Variants in AK2 observed in about 807,000 individuals in gnomAD.
The protein encoded by AK2 is adenylate kinase 2, also known as adenylate kinase 2, mitochondrial.
A neutral mutation model predicts 24.6 loss-of-function variants in AK2; 15 were observed. The observed-to-expected ratio is 0.61, with a 90% CI of 0.41 to 0.94. The LOEUF (loss-of-function observed/expected upper bound fraction) is 0.94. AK2 is among the 40% of genes least tolerant of loss of function. AK2 has a pLI of 0.00. For synonymous variants in AK2, 102 were observed against 114.0 expected (o/e 0.90, Z 0.67); for missense variants, 257 against 304.1 (o/e 0.85, Z 1.15).
chr1:33,009,743 C>T lies in AK2; in HGVS notation c.*3438G>A. On this transcript the variant is annotated 3_prime_UTR_variant, in exon 6 of 6. Transcript: ENST00000672715. ...GCCTTGTCTCTGGGCTCAAGAGAAG[C>T]CTGCATAGGAGCTGAAGGTCAAGAG... The T allele has an allele frequency of 2.2e-6, 1 of 454,212 alleles. No individual in the cohort carries two copies. The allele number at this position is 454,212 out of a possible 1,614,324, so 28.1% of individuals were successfully genotyped here.
chr1:33,012,924 A>T lies in AK2; in HGVS notation c.*257T>A, dbSNP rs193187660. 4 of 1,460,048 alleles carry T rather than the reference A, an allele frequency of 2.7e-6. No homozygotes were observed. The highest frequency in any genetic ancestry group is 2.0e-5 in the Admixed American group (1 of 48,946). 90.4% of individuals were successfully genotyped at this position (1,460,048 alleles called of 1,614,324 possible). On this transcript the variant is annotated 3_prime_UTR_variant, in exon 6 of 6. Coordinates refer to ENST00000672715, the MANE Select transcript of AK2 (RefSeq NM_001625.4). ...AAACAACAACAAAAAAGAAGTAAAC[A>T]GCTGGTAAAGCAACCTAGCCTAAAA... is the stretch of plus-strand genomic sequence containing the variant.
At chr1:33,019,315 G>A (rs1345764786) in intron 4 of AK2, among the ~76,000 whole-genome samples, 1 of 152,118 alleles carries the variant, frequency 6.6e-6, no homozygotes, top group Non-Finnish European at 1.5e-5. Flanking sequence ...ACTGTGCTAT[G>A]CAGGAAGCAG....
chr1:33,035,081 T>C (rs1323511502), intron 1 of AK2, among the ~76,000 whole-genome samples: 1 of 152,124 alleles, frequency 6.6e-6, no homozygotes, highest in African/African-American at 2.4e-5. Context: ...TTATACTTGA[T>C]CACTCACAGC....
intron 4 of AK2, 104 bp downstream of exon 4, chr1:33,021,263 G>A (rs1480639294): frequency 9.9e-7 from 1 of 1,005,462 alleles, no homozygotes; most frequent in African/African-American, 1.6e-5. Context: ...ATCAATCCAT[G>A]TTGAAATGGC....
At chr1:33,020,257 CCT>C (rs752261709) in intron 4 of AK2, 1 of 998,372 alleles carries the variant, frequency 1.0e-6, no homozygotes, top group Non-Finnish European at 1.5e-6. Flanking sequence ...GCAAATTCTT[CCT>C]CCATTTTCTA....
At chr1:33,021,746 C>A in intron 2 of AK2, 43 bp from the exon 3 acceptor site, 1 of 1,480,932 alleles carries the variant, frequency 6.8e-7, no homozygotes, top group South Asian at 1.1e-5. Context: ...AAATCCATTA[C>A]CTAGGTGACT....
Position 33,009,749 on chromosome 1 carries a change from T to C in AK2, c.*3432A>G, listed in dbSNP as rs1023961070. On this transcript the variant is annotated 3_prime_UTR_variant, in exon 6 of 6. Coordinates refer to ENST00000672715, the MANE Select transcript of AK2 (RefSeq NM_001625.4). ...TCTCTGGGCTCAAGAGAAGCCTGCA[T>C]AGGAGCTGAAGGTCAAGAGGTTGCA... is the stretch of plus-strand genomic sequence containing the variant. The C allele has an allele frequency of 4.4e-6, 2 of 454,164 alleles. No homozygotes were observed. The highest frequency in any genetic ancestry group is 4.7e-5 in the Admixed American group (2 of 42,546). The allele number at this position is 454,164 out of a possible 1,614,324, so 28.1% of individuals were successfully genotyped here.
At chr1:33,024,316 G>A (rs574036413) in intron 2 of AK2, 126 bp downstream of exon 2, 2 of 1,323,552 alleles carry the variant, frequency 1.5e-6, no homozygotes, top group Admixed American at 1.8e-5. Context: ...TAGTGCAACT[G>A]AGGAACTGAT....
rs1221974395 is a variant in AK2 at position 33,008,955 on chromosome 1, A to G, written c.*4226T>C. On this transcript the variant is annotated 3_prime_UTR_variant, in exon 6 of 6. Coordinates refer to ENST00000672715, the MANE Select transcript of AK2 (RefSeq NM_001625.4). ...AGGTTGGTTTGACAAACATTTCCCC[A>G]CAATTAGATGCATGATGACCAAGGG... 1 of 453,970 alleles carries G rather than the reference A, an allele frequency of 2.2e-6. No homozygotes were observed. The highest frequency in any genetic ancestry group is 4.4e-6 in the Non-Finnish European group (1 of 226,796). The allele number at this position is 453,970 out of a possible 1,614,324, so 28.1% of individuals were successfully genotyped here.
Position 33,010,726 on chromosome 1 carries a change from C to T in AK2, c.*2455G>A, listed in dbSNP as rs746529754. 11 of 1,613,674 alleles carry T rather than the reference C, an allele frequency of 6.8e-6. No individual in the cohort carries two copies. In the South Asian group the frequency reaches 1.2e-4, roughly 18 times the overall value. On this transcript the variant is annotated 3_prime_UTR_variant, in exon 6 of 6. Coordinates refer to ENST00000672715, the MANE Select transcript of AK2 (RefSeq NM_001625.4). ...TGAGCCCCTCACCAGCCCTCCCTCA[C>T]CATCCTCACCCTGACCACCCTTCCC...
chr1:33,027,311 C>G (rs548836499), intron 1 of AK2, among the ~76,000 whole-genome samples: 1 of 152,250 alleles, frequency 6.6e-6, no homozygotes, highest in African/African-American at 2.4e-5. Context: ...GAAAGGCTGA[C>G]CAAAACACCA....
Position 33,011,397 on chromosome 1 carries a change from G to T in AK2, c.*1784C>A. 1.6e-6 allele frequency: 2 copies of T among 1,287,470 alleles called. No homozygotes were observed. The highest frequency in any genetic ancestry group is 2.5e-5 in the South Asian group (2 of 80,940). 79.8% of individuals were successfully genotyped at this position (1,287,470 alleles called of 1,614,324 possible). A position where few individuals can be genotyped will look rare whatever the true frequency, so the allele number is the denominator to read the frequency against. ...TGAGTTTCCATTAAGAGTGGGTGGA[G>T]TTGGTTTAGAGCCAGGAAAACAAGG... is the stretch of plus-strand genomic sequence containing the variant. On this transcript the variant is annotated 3_prime_UTR_variant, in exon 6 of 6. Coordinates refer to ENST00000672715, the MANE Select transcript of AK2 (RefSeq NM_001625.4).
At chr1:33,021,779 C>A in intron 2 of AK2, 76 bp from the exon 3 acceptor site, 1 of 1,162,812 alleles carries the variant, frequency 8.6e-7, no homozygotes, top group Admixed American at 1.8e-5. Flanking sequence ...ACTCCACAGC[C>A]AAAAGTTTGT....
intron 4 of AK2, among the ~76,000 whole-genome samples, chr1:33,019,187 G>C (rs1259128378): frequency 6.6e-6 from 1 of 151,970 alleles, no homozygotes; most frequent in Non-Finnish European, 1.5e-5. Flanking sequence ...CTTTCTTCTT[G>C]GACTTCCTAC....
chr1:33,011,153 T>A lies in AK2; in HGVS notation c.*2028A>T, dbSNP rs186714469. 7.3e-7 allele frequency: 1 copy of A among 1,369,896 alleles called. No individual in the cohort carries two copies. The highest frequency in any genetic ancestry group is 9.5e-7 in the Non-Finnish European group (1 of 1,055,896). 84.9% of individuals were successfully genotyped at this position (1,369,896 alleles called of 1,614,324 possible). Reference sequence around the variant, plus strand: ...ATGACAAATATTTGGGCAAGGATCATGCACATAAAATTAGCAAACATTCAA... The same window carrying A: ...ATGACAAATATTTGGGCAAGGATCAAGCACATAAAATTAGCAAACATTCAA... On this transcript the variant is annotated 3_prime_UTR_variant, in exon 6 of 6. Transcript: ENST00000672715.
In AK2 at chr1:33,013,048, T is replaced by A. The variant is rs759255603; in HGVS notation, c.*133A>T. On this transcript the variant is annotated 3_prime_UTR_variant, in exon 6 of 6. Transcript: ENST00000672715. The stretch of plus-strand genomic sequence containing the variant: ...GAGTAGCACACACGCCAAAGATACA[T>A]CAAGCAAGTGCTTTTTTAATCAATA... 6.2e-6 allele frequency: 10 copies of A among 1,600,658 alleles called. No homozygotes were observed. In the East Asian group the frequency reaches 2.2e-4, roughly 36 times the overall value.
intron 1 of AK2, 138 bp from the exon 2 acceptor site, chr1:33,024,705 G>A (rs1205564467): frequency 2.0e-6 from 2 of 1,005,296 alleles, no homozygotes; most frequent in Non-Finnish European, 3.1e-6. Flanking sequence ...CTGTAATGGG[G>A]ATAAAAGTAC....
At position 33,021,401 on chromosome 1, in the gene AK2, G is replaced by C; in HGVS notation, c.391C>G (p.Pro131Ala). 2 of 1,613,946 alleles carry C rather than the reference G, an allele frequency of 1.2e-6. No homozygotes were observed. Among genetic ancestry groups the C allele is most frequent in the East Asian group, 2.2e-5 (1 of 44,880 alleles). ...ATTCTTCGGATCAGCAGAGAGTCTGGGATGCTGAATTCAATCACAGAATCA... is the reference window on the plus strand; with the variant it reads ...ATTCTTCGGATCAGCAGAGAGTCTGCGATGCTGAATTCAATCACAGAATCA... ...KLDSVIEFSIPDSLLIRRITG... is the reference protein window; with the variant it reads ...KLDSVIEFSIADSLLIRRITG... Residue 131 changes from proline to alanine, a missense_variant, in exon 4 of 6, where the codon CCA (proline) becomes GCA (alanine). Transcript: ENST00000672715.
chr1:33,036,639 C>T (rs368680874), intron 1 of AK2, 97 bp downstream of exon 1: 2 of 1,203,634 alleles, frequency 1.7e-6, no homozygotes, highest in South Asian at 1.3e-5. Flanking sequence ...CCTTAGTCCC[C>T]GGCCCGCTCC....
Sources: allele counts gnomAD v4.1 joint callset (sites outside exome capture counted in the v4.1 genomes callset), GRCh38; gene constraint gnomAD v4.1.1; transcripts MANE v1.5; gene names NCBI Gene and HGNC (gene_info 2026-07-23, HGNC 2026-07-21).